The following INO80D variants were observed in gnomAD, a reference collection of about 807,000 sequenced individuals.
INO80D encodes the protein INO80 complex subunit D.
A neutral mutation model predicts 87.6 loss-of-function variants in INO80D; 21 were observed. The observed-to-expected ratio is 0.24, with a 90% CI of 0.17 to 0.35. The LOEUF (loss-of-function observed/expected upper bound fraction) is 0.35, where lower values mean the gene tolerates loss of function less well. INO80D is among the 10% of genes least tolerant of loss of function. The pLI is 1.00. For missense variants in INO80D, 982 were observed against 1,280.7 expected, an observed-to-expected ratio of 0.77 and a Z score of 3.56; for synonymous variants, 440 against 491.0, an observed-to-expected ratio of 0.90 and a Z score of 1.37.
In INO80D at chr2:206,003,991, GTAAAAACCTGGCA is replaced by G; in HGVS notation, c.*364_*376del. The G allele has an allele frequency of 8.2e-6, 2 of 242,720 alleles. No individual in the cohort carries two copies. The highest frequency in any genetic ancestry group is 8.1e-6 in the Non-Finnish European group (1 of 122,920). The allele number at this position is 242,720 out of a possible 1,614,324, so 15.0% of individuals were successfully genotyped here. ...GATCATTCTATCTAGAACCACCTATGTAAAAACCTGGCAACAGAATGGAAAGCACTGATCTGAA... is the reference window on the plus strand; with the variant it reads ...GATCATTCTATCTAGAACCACCTATGACAGAATGGAAAGCACTGATCTGAA... On this transcript the variant is annotated 3_prime_UTR_variant, in exon 11 of 11. Transcript: ENST00000403263.
chr2:206,018,917 T>G (rs557456098), intron 7 of INO80D, among the ~76,000 whole-genome samples: 3 of 152,218 alleles, frequency 2.0e-5, no homozygotes, highest in Admixed American at 2.0e-4. Flanking sequence ...CAAACAAACA[T>G]GAGCTTTACA....
At chr2:206,050,039 A>T (rs1385597558) in intron 4 of INO80D, among the ~76,000 whole-genome samples, 1 of 152,118 alleles carries the variant, frequency 6.6e-6, no homozygotes, top group East Asian at 1.9e-4. Flanking sequence ...AGGCTGAGGC[A>T]AGAGAATCAC....
rs768020333 is a variant in INO80D, at chr2:206,004,610, A to C, written c.2842T>G (p.Leu948Val). The change falls in exon 11 of 11, where the codon TTA becomes GTA. Residue 948 changes from leucine (L) to valine (V), a missense_variant. By Grantham distance (32) the Leu-to-Val change is conservative. Coordinates refer to ENST00000403263, the MANE Select transcript of INO80D (RefSeq NM_017759.5). The surrounding 1 kb of genome is among the most constrained non-coding windows in gnomAD (Gnocchi z 4.9). Reference protein sequence around the residue: ...TPSSSSVLPGLPQTSFSGMGP... With the variant: ...TPSSSSVLPGVPQTSFSGMGP... ...ATGCCACTGAAGCTGGTCTGTGGTA[A>C]CCCCGGAAGCACACTGGAGCTGCTG... 1.2e-6 allele frequency: 2 copies of C among 1,612,160 alleles called. No homozygotes were observed. The highest frequency in any genetic ancestry group is 8.5e-7 in the Non-Finnish European group (1 of 1,179,206).
intron 8 of INO80D, among the ~76,000 whole-genome samples, chr2:206,010,776 CAA>C (rs1321804832): frequency 1.3e-5 from 2 of 151,290 alleles, no homozygotes; most frequent in Non-Finnish European, 2.9e-5. Context: ...TAAAACAAAC[CAA>C]AAAAAAGAGG....
intron 5 of INO80D, among the ~76,000 whole-genome samples, chr2:206,034,442 A>C (rs541259994): frequency 1.3e-5 from 2 of 152,242 alleles, no homozygotes; most frequent in Non-Finnish European, 2.9e-5. Context: ...GTTTAACATA[A>C]GCAAGTCAAG....
Position 206,043,729 on chromosome 2 carries a change from C to T in INO80D, c.1073+2775G>A, listed in dbSNP as rs559039109. On this transcript the variant is annotated intron_variant, in intron 5 of 10. Coordinates refer to ENST00000403263, the MANE Select transcript of INO80D (RefSeq NM_017759.5). The stretch of plus-strand genomic sequence containing the variant: ...GTCTCAATCTCCTGACCTTGTGATC[C>T]GCCTGCCTCGGCCTCCCAAAGTGCT... Among the ~76,000 whole-genome samples the T allele has an allele frequency of 8.7e-5, 13 of 148,572 alleles. No homozygotes were observed. The East Asian group carries it at 1.4e-3, about 16-fold the overall frequency.
chr2:206,010,083 A>ACACACACACACACACACACACG (rs142314785), intron 8 of INO80D, among the ~76,000 whole-genome samples: 62 of 151,276 alleles, frequency 4.1e-4, no homozygotes, highest in African/African-American at 1.4e-3. Flanking sequence ...ACACACACAC[A>ACACACACACACACACACACACG]CACGCACACA....
chr2:206,013,562 A>G (rs929174664), intron 8 of INO80D, among the ~76,000 whole-genome samples: 27 of 151,860 alleles, frequency 1.8e-4, no homozygotes, highest in Non-Finnish European at 7.4e-5. Flanking sequence ...AAAAAAAAAA[A>G]AAAAATTGTT....
chr2:206,078,437 TA>T (rs1310968134), intron 1 of INO80D, among the ~76,000 whole-genome samples: 3 of 151,850 alleles, frequency 2.0e-5, no homozygotes, highest in Admixed American at 2.0e-4. Context: ...TAAAAGAAGA[TA>T]AAAATCCAAA....
intron 8 of INO80D, 123 bp downstream of exon 8, chr2:206,017,556 TA>T: frequency 1.4e-6 from 1 of 710,704 alleles, no homozygotes; most frequent in Non-Finnish European, 2.2e-6. Context: ...CTTAAGGGAA[TA>T]AAAATCCTCT....
rs55655831 is a variant in INO80D, at chr2:206,042,680, CA to C, written c.1073+3823del. Among the ~76,000 whole-genome samples the C allele has an allele frequency of 3.5e-3, 439 of 126,146 alleles. 2 individuals are homozygous for C. Among genetic ancestry groups the C allele is most frequent in the Non-Finnish European group, 3.6e-3 (225 of 62,262 alleles). 82.8% of individuals were successfully genotyped at this position (126,146 alleles called of 152,430 possible). Reference sequence around the variant, plus strand: ...TGTACGACAGAGCGAGACTTTGTCTCAAAAAAAAAAAAAAGCCTTTAGGGCT... The same window carrying C: ...TGTACGACAGAGCGAGACTTTGTCTCAAAAAAAAAAAAAGCCTTTAGGGCT... On this transcript the variant is annotated intron_variant, in intron 5 of 10. Coordinates refer to ENST00000403263, the MANE Select transcript of INO80D (RefSeq NM_017759.5).
intron 5 of INO80D, among the ~76,000 whole-genome samples, chr2:206,034,033 C>A (rs1688832505): frequency 6.6e-6 from 1 of 151,964 alleles, no homozygotes; most frequent in African/African-American, 2.4e-5. Flanking sequence ...AAAATATAAC[C>A]CTCCTAGCTT....
intron 1 of INO80D, among the ~76,000 whole-genome samples, chr2:206,064,119 T>C (rs1384551466): frequency 6.6e-6 from 1 of 152,188 alleles, no homozygotes; most frequent in Non-Finnish European, 1.5e-5. Flanking sequence ...TGACCACACT[T>C]ATATCATTCA....
chr2:206,030,742 T>G (rs1314369424), intron 5 of INO80D, among the ~76,000 whole-genome samples: 1 of 152,192 alleles, frequency 6.6e-6, no homozygotes, highest in African/African-American at 2.4e-5. Context: ...GCAGAAGACT[T>G]GTAATTTTTT....
chr2:205,997,157 C>T lies in INO80D; in HGVS notation c.*7211G>A, dbSNP rs1687823552. 1 of 151,986 alleles carries T rather than the reference C, an allele frequency of 6.6e-6. No homozygotes were observed. The highest frequency in any genetic ancestry group is 6.6e-5 in the Admixed American group (1 of 15,246). The allele number at this position is 151,986 out of a possible 1,614,324, so 9.4% of individuals were successfully genotyped here. A position where few individuals can be genotyped will look rare whatever the true frequency, so the allele number is the denominator to read the frequency against. On this transcript the variant is annotated 3_prime_UTR_variant, in exon 11 of 11. Transcript: ENST00000403263. Reference sequence around the variant, plus strand: ...ATTGGAACATTTAATACCAACTCTACTTTTGACTATTTCAGACCACCAGAT... The same window carrying T: ...ATTGGAACATTTAATACCAACTCTATTTTTGACTATTTCAGACCACCAGAT...
In INO80D at chr2:206,057,658, A is replaced by T. The variant is rs557828995; in HGVS notation, c.219-715T>A. ...CCAGCTGGAAAGAGTCAGAGCTAAG[A>T]CCAACTAAAATCAAAGCTCATGAAG... On this transcript the variant is annotated intron_variant, in intron 3 of 10. Coordinates refer to ENST00000403263, the MANE Select transcript of INO80D (RefSeq NM_017759.5). Among the ~76,000 whole-genome samples, 8 of 152,186 alleles carry T rather than the reference A, an allele frequency of 5.3e-5. No homozygotes were observed. The South Asian group carries it at 1.7e-3, about 32-fold the overall frequency.
intron 5 of INO80D, among the ~76,000 whole-genome samples, chr2:206,033,924 C>T (rs1264569626): frequency 2.0e-5 from 3 of 152,058 alleles, no homozygotes; most frequent in African/African-American, 7.2e-5. Context: ...ACAACTGATA[C>T]TACTGAAATA....
intron 4 of INO80D, among the ~76,000 whole-genome samples, chr2:206,051,583 G>C (rs1689372261): frequency 6.6e-6 from 1 of 152,048 alleles, no homozygotes; most frequent in South Asian, 2.1e-4. Context: ...AGTTCTGAAA[G>C]TATGGTCCAC....
chr2:206,056,108 A>T (rs1689509920), intron 4 of INO80D, 90 bp downstream of exon 4: 2 of 1,257,852 alleles, frequency 1.6e-6, no homozygotes, highest in Non-Finnish European at 1.1e-6. Context: ...CCCCCATCAC[A>T]TATGGGGTAA....
Sources: allele counts gnomAD v4.1 joint callset (sites outside exome capture counted in the v4.1 genomes callset), GRCh38; gene constraint gnomAD v4.1.1; non-coding constraint Gnocchi (gnomAD v3.1); transcripts MANE v1.5; gene names NCBI Gene and HGNC (gene_info 2026-07-23, HGNC 2026-07-21).